TMPRSS7: variants seen among roughly 807,000 people sequenced by gnomAD.
The protein encoded by TMPRSS7 is transmembrane serine protease 7.
In TMPRSS7, 81 loss-of-function variants were observed where a neutral mutation model predicts 95.6. The observed-to-expected ratio is 0.85, with a 90% CI of 0.71 to 1.02. The LOEUF (loss-of-function observed/expected upper bound fraction) is 1.02, where lower values mean the gene tolerates loss of function less well. Ranked by LOEUF, TMPRSS7 falls within the 50% of genes least tolerant of loss-of-function variation. The probability of loss-of-function intolerance (pLI) is 0.00; values close to 1 mark genes in which losing one functional copy is unlikely to be tolerated. For missense variants in TMPRSS7, 945 were observed against 955.2 expected, an observed-to-expected ratio of 0.99 and a Z score of 0.14; for synonymous variants, 364 against 337.8, an observed-to-expected ratio of 1.08 and a Z score of -0.85.
chr3:112,076,806 G>C, intron 15 of TMPRSS7, 70 bp from the exon 16 acceptor site: 1 of 1,552,798 alleles, frequency 6.4e-7, no homozygotes, highest in Non-Finnish European at 8.7e-7. Flanking sequence ...CAACTCTTTA[G>C]AGTGCTTGTT....
At position 112,053,203 on chromosome 3, in the gene TMPRSS7, A is replaced by C. The variant is rs192570348; in HGVS notation, c.1203+2420A>C. Among the ~76,000 whole-genome samples, 357 of 150,970 alleles carry C rather than the reference A, an allele frequency of 2.4e-3. 2 individuals are homozygous for C. Among genetic ancestry groups the C allele is most frequent in the African/African-American group, 8.2e-3 (338 of 41,152 alleles). On this transcript the variant is annotated intron_variant, in intron 9 of 17. Coordinates refer to ENST00000452346, the Ensembl canonical transcript of TMPRSS7. ...ATTTATTAAAAAAAAAAACTCGATG[A>C]CTTAAGTAACAAAAATATTGACTCG...
rs545933986 is a variant in TMPRSS7, at chr3:112,047,697, TA to T, written c.731-33del. The T allele has an allele frequency of 1.2e-3, 1,673 of 1,372,684 alleles. 11 individuals carry two copies. The African/African-American group carries it at 0.015, about 12-fold the overall frequency. 85.0% of individuals were successfully genotyped at this position (1,372,684 alleles called of 1,614,324 possible). ...TTTCTGTTTTTATAAAAGTCATTCC[TA>T]AAAAAAAAGAAAATAAAGGAAAATG... On this transcript the variant is annotated intron_variant, in intron 6 of 17. Coordinates refer to ENST00000452346, the Ensembl canonical transcript of TMPRSS7.
chr3:112,050,768 T>C, exon 9 of TMPRSS7: 2 of 1,595,454 alleles, frequency 1.3e-6, no homozygotes, highest in Non-Finnish European at 1.7e-6. Flanking sequence ...AATGCAAGTG[T>C]ACCTGGAAAT....
At chr3:112,035,874 C>A (rs1382581754) in intron 1 of TMPRSS7, among the ~76,000 whole-genome samples, 2 of 152,206 alleles carry the variant, frequency 1.3e-5, no homozygotes, top group Non-Finnish European at 2.9e-5. Context: ...CAACAATTTT[C>A]TAATCTAATG....
intron 9 of TMPRSS7, among the ~76,000 whole-genome samples, chr3:112,051,524 TA>T (rs1171294354): frequency 2.0e-5 from 1 of 51,168 alleles, no homozygotes; most frequent in Non-Finnish European, 4.7e-5. Context: ...AATATCTATC[TA>T]TCTATCTATC....
chr3:112,051,668 CATCTATCTATCT>C (rs5851813), intron 9 of TMPRSS7, among the ~76,000 whole-genome samples: 1 of 127,998 alleles, frequency 7.8e-6, no homozygotes, highest in East Asian at 2.4e-4. Flanking sequence ...ATCTATCTAT[CATCTATCTATCT>C]ATCTATCTAT....
At chr3:112,051,665 T>TATC (rs747494170) in intron 9 of TMPRSS7, among the ~76,000 whole-genome samples, 1 of 93,090 alleles carries the variant, frequency 1.1e-5, no homozygotes, top group East Asian at 5.2e-4. Context: ...TCTATCTATC[T>TATC]ATCATCTATC....
At chr3:112,075,651 T>A (rs1175481968) in intron 15 of TMPRSS7, among the ~76,000 whole-genome samples, 159 bp downstream of exon 15, 10 of 152,106 alleles carry the variant, frequency 6.6e-5, no homozygotes, top group African/African-American at 7.2e-5. Flanking sequence ...CATTTTTTTT[T>A]AAGGTATTAT....
chr3:112,076,744 AG>A, intron 15 of TMPRSS7, 131 bp from the exon 16 acceptor site: 2 of 1,073,328 alleles, frequency 1.9e-6, no homozygotes, highest in Non-Finnish European at 2.7e-6. Flanking sequence ...CCCCGGACAA[AG>A]CCAGTGACTA....
At chr3:112,049,697 A>T (rs902338926) in intron 7 of TMPRSS7, 147 bp from the exon 8 acceptor site, 15 of 570,954 alleles carry the variant, frequency 2.6e-5, no homozygotes, top group African/African-American at 2.5e-4. Flanking sequence ...CTACTAATGG[A>T]TGAGGATCTG....
At chr3:112,063,423 C>A in intron 11 of TMPRSS7, 102 bp from the exon 12 acceptor site, 1 of 821,736 alleles carries the variant, frequency 1.2e-6, no homozygotes, top group Non-Finnish European at 2.0e-6. Context: ...TGCTACCCTG[C>A]CAACTCCCTA....
At chr3:112,080,143 T>C (rs1487794963) in intron 17 of TMPRSS7, among the ~76,000 whole-genome samples, 1 of 152,212 alleles carries the variant, frequency 6.6e-6, no homozygotes, top group Non-Finnish European at 1.5e-5. Flanking sequence ...TCTGAGTAAG[T>C]TGCAAGATTA....
chr3:112,077,242 A>G, intron 16 of TMPRSS7, 98 bp downstream of exon 16: 2 of 1,378,858 alleles, frequency 1.5e-6, no homozygotes, highest in Non-Finnish European at 2.0e-6. Flanking sequence ...TGTGTATATG[A>G]TCTCCTTTGA....
In TMPRSS7 at chr3:112,045,960, T is replaced by A. The variant is rs1448570139; in HGVS notation, c.691+17T>A. On this transcript the variant is annotated intron_variant, in intron 5 of 17. Transcript: ENST00000452346. ...TACTAAATGGTGATTGTTGGGTAATTTTCCTTTAGCATTCCTTCCTGCAGG... is the reference window on the plus strand; with the variant it reads ...TACTAAATGGTGATTGTTGGGTAATATTCCTTTAGCATTCCTTCCTGCAGG... The A allele has an allele frequency of 1.9e-6, 3 of 1,540,580 alleles. No homozygotes were observed. Among genetic ancestry groups the A allele is most frequent in the Non-Finnish European group, 2.6e-6 (3 of 1,140,290 alleles).
At chr3:112,055,777 A>T (rs2073425979) in intron 9 of TMPRSS7, among the ~76,000 whole-genome samples, 1 of 152,214 alleles carries the variant, frequency 6.6e-6, no homozygotes, top group African/African-American at 2.4e-5. Context: ...TACCAGACAA[A>T]AAGCAATTTA....
chr3:112,038,381 C>T (rs1166760570), intron 2 of TMPRSS7, 60 bp downstream of exon 2: 1 of 659,926 alleles, frequency 1.5e-6, no homozygotes, highest in East Asian at 2.7e-5. Context: ...CCAGCATTAG[C>T]AATGCAGCCC....
intron 14 of TMPRSS7, among the ~76,000 whole-genome samples, chr3:112,074,617 T>C (rs1407207983): frequency 6.6e-6 from 1 of 152,220 alleles, no homozygotes; most frequent in Non-Finnish European, 1.5e-5. Flanking sequence ...GATAACAGCA[T>C]TAATGAATTA....
intron 9 of TMPRSS7, among the ~76,000 whole-genome samples, chr3:112,056,698 G>A (rs1206494145): frequency 6.6e-6 from 1 of 152,190 alleles, no homozygotes; most frequent in African/African-American, 2.4e-5. Context: ...TACATTAAAA[G>A]AGTAAGGTGT....
At chr3:112,060,444 G>A (rs1028893920) in intron 10 of TMPRSS7, among the ~76,000 whole-genome samples, 7 of 152,224 alleles carry the variant, frequency 4.6e-5, no homozygotes, top group African/African-American at 1.7e-4. Flanking sequence ...CATAGAAGAT[G>A]ACCACACCCA....
Sources: allele counts gnomAD v4.1 joint callset (sites outside exome capture counted in the v4.1 genomes callset), GRCh38; gene constraint gnomAD v4.1.1; transcripts MANE v1.5; gene names NCBI Gene and HGNC (gene_info 2026-07-23, HGNC 2026-07-21).